The following PAPPA variants were observed in gnomAD, a reference collection of about 807,000 sequenced individuals.
The protein encoded by PAPPA is pappalysin-1.
PAPPA carries 60 observed loss-of-function variants against 164.0 expected under a neutral mutation model. The observed-to-expected ratio is 0.37, with a 90% CI of 0.30 to 0.45. The LOEUF (loss-of-function observed/expected upper bound fraction) is 0.45. Ranked by LOEUF, PAPPA falls within the 20% of genes least tolerant of loss-of-function variation. The probability of loss-of-function intolerance (pLI) is 1.00; values close to 1 mark genes in which losing one functional copy is unlikely to be tolerated. For missense variants in PAPPA, 1,782 were observed against 2,087.3 expected, an observed-to-expected ratio of 0.85 and a Z score of 2.85; for synonymous variants, 875 against 814.1, an observed-to-expected ratio of 1.07 and a Z score of -1.27.
At chr9:116,241,100 A>C (rs984729280) in intron 7 of PAPPA, among the ~76,000 whole-genome samples, 1 of 152,182 alleles carries the variant, frequency 6.6e-6, no homozygotes, top group African/African-American at 2.4e-5. Context: ...TGTGAGTCCA[A>C]ATTTTACAAA....
intron 7 of PAPPA, among the ~76,000 whole-genome samples, chr9:116,265,441 T>C (rs1261169934): frequency 6.6e-6 from 1 of 152,180 alleles, no homozygotes; most frequent in Non-Finnish European, 1.5e-5. Context: ...GGAAACATGA[T>C]CAGATAATGC....
chr9:116,311,357 A>G (rs1308970327), intron 10 of PAPPA, among the ~76,000 whole-genome samples: 2 of 152,306 alleles, frequency 1.3e-5, no homozygotes, highest in Non-Finnish European at 1.5e-5. Flanking sequence ...AGACACCAAA[A>G]TAGCTTCTTT....
At chr9:116,195,750 G>A (rs939221374) in intron 2 of PAPPA, among the ~76,000 whole-genome samples, 6 of 152,268 alleles carry the variant, frequency 3.9e-5, no homozygotes, top group South Asian at 2.1e-4. Flanking sequence ...TGCATATCCC[G>A]AAATTCTTAG....
chr9:116,166,099 C>T (rs1843716500), intron 1 of PAPPA, among the ~76,000 whole-genome samples: 1 of 152,156 alleles, frequency 6.6e-6, no homozygotes, highest in South Asian at 2.1e-4. Flanking sequence ...AGGCATGTTG[C>T]ATTACGTAAC....
chr9:116,176,099 G>A (rs1227795399), intron 1 of PAPPA, among the ~76,000 whole-genome samples: 2 of 152,152 alleles, frequency 1.3e-5, no homozygotes, highest in East Asian at 3.9e-4. Flanking sequence ...AGGTCTACTG[G>A]AAGAAGTAAT....
intron 10 of PAPPA, among the ~76,000 whole-genome samples, chr9:116,312,167 A>C (rs1034059975): frequency 2.0e-5 from 3 of 151,488 alleles, no homozygotes; most frequent in Admixed American, 1.3e-4. Flanking sequence ...CATTACCTTC[A>C]TTCTCCACAT....
In PAPPA at chr9:116,194,866, A is replaced by T. The variant is rs564428124; in HGVS notation, c.1478+6650A>T. On this transcript the variant is annotated intron_variant, in intron 2 of 21. Transcript: ENST00000328252. ...GCCTGGATGAAACTGCCATATACAA[A>T]TTGAGAGCATTTGCTGAGATTATTT... 7.2e-5 allele frequency among the ~76,000 whole-genome samples: 11 copies of T among 152,326 alleles called. No homozygotes were observed. The East Asian group carries it at 2.1e-3, about 29-fold the overall frequency.
intron 9 of PAPPA, among the ~76,000 whole-genome samples, chr9:116,298,990 G>GT (rs951105136): frequency 6.6e-6 from 1 of 152,138 alleles, no homozygotes; most frequent in African/African-American, 2.4e-5. Context: ...TGCTGTCTTT[G>GT]TTTTTTGCGG....
At chr9:116,312,696 A>C (rs1435372068) in intron 10 of PAPPA, among the ~76,000 whole-genome samples, 1 of 151,790 alleles carries the variant, frequency 6.6e-6, no homozygotes, top group Non-Finnish European at 1.5e-5. Context: ...ATTCCTCCCC[A>C]CTCTCTATTC....
In PAPPA at chr9:116,344,666, C is replaced by T. The variant is rs1564234529; in HGVS notation, c.3735C>T (p.Gly1245=). 1 of 1,614,148 alleles carries T rather than the reference C, an allele frequency of 6.2e-7. No homozygotes were observed. Residue 1245 remains glycine (G), a synonymous_variant, in exon 14 of 22, where the codon GGC becomes GGT. Transcript: ENST00000328252. ...AGTGTACTGTGAGCTGCCGGACAGG[C>T]TACGTGCTCCAGATACGGCGGGATG... ...GAQCTVSCRT[G]YVLQIRRDDE...
chr9:116,327,332 C>T (rs923568831), intron 10 of PAPPA, among the ~76,000 whole-genome samples: 42 of 151,880 alleles, frequency 2.8e-4, no homozygotes, highest in Admixed American at 1.4e-3. Context: ...TGGCTCTGCA[C>T]GGGGTATAAG....
chr9:116,395,045 T>A (rs1463966320), intron 21 of PAPPA, among the ~76,000 whole-genome samples: 1 of 152,168 alleles, frequency 6.6e-6, no homozygotes, highest in Non-Finnish European at 1.5e-5. Context: ...ACTTAGCATA[T>A]GTCAAGCACT....
In PAPPA at chr9:116,398,661, G is replaced by A; in HGVS notation, c.*2045G>A. On this transcript the variant is annotated 3_prime_UTR_variant, in exon 22 of 22. Transcript: ENST00000328252. ...ACAGGTGCCCACAAATACGGATGCAGTGCTGAGATAGTTTATGAGACTTGT... is the reference window on the plus strand; with the variant it reads ...ACAGGTGCCCACAAATACGGATGCAATGCTGAGATAGTTTATGAGACTTGT... 1.7e-6 allele frequency: 1 copy of A among 571,544 alleles called. No homozygotes were observed. Among genetic ancestry groups the A allele is most frequent in the Non-Finnish European group, 3.0e-6 (1 of 332,544 alleles). 35.4% of individuals were successfully genotyped at this position (571,544 alleles called of 1,614,324 possible).
intron 17 of PAPPA, among the ~76,000 whole-genome samples, chr9:116,357,424 G>C (rs1846368307): frequency 6.6e-6 from 1 of 152,184 alleles, no homozygotes; most frequent in Non-Finnish European, 1.5e-5. Flanking sequence ...TGTGTGCCAA[G>C]CTGCTGCTGC....
At chr9:116,254,654 C>T (rs369794021) in intron 7 of PAPPA, among the ~76,000 whole-genome samples, 14 of 151,718 alleles carry the variant, frequency 9.2e-5, no homozygotes, top group African/African-American at 2.9e-4. Flanking sequence ...TGGTGGTGGG[C>T]GCCTGTAATC....
intron 9 of PAPPA, among the ~76,000 whole-genome samples, chr9:116,282,338 G>T (rs1055721247): frequency 6.6e-6 from 1 of 152,164 alleles, no homozygotes; most frequent in Non-Finnish European, 1.5e-5. Context: ...AGTACAGATA[G>T]AATTTTATTT....
chr9:116,334,805 G>A (rs892170407), intron 12 of PAPPA, 56 bp from the exon 13 acceptor site: 13 of 1,360,468 alleles, frequency 9.6e-6, no homozygotes, highest in Admixed American at 3.5e-5. Context: ...TGGGGAGGGC[G>A]TGACTGGCCT....
At chr9:116,210,924 C>A (rs566916604) in intron 3 of PAPPA, among the ~76,000 whole-genome samples, 2 of 152,248 alleles carry the variant, frequency 1.3e-5, no homozygotes, top group Non-Finnish European at 2.9e-5. Flanking sequence ...ACCTCACAAA[C>A]TTCTTTAGAT....
At chr9:116,210,308 G>A (rs147402730) in intron 3 of PAPPA, among the ~76,000 whole-genome samples, 3 of 152,204 alleles carry the variant, frequency 2.0e-5, no homozygotes, top group East Asian at 3.9e-4. Context: ...ACCCTAACAC[G>A]GAGACAGAGT....
Sources: allele counts gnomAD v4.1 joint callset (sites outside exome capture counted in the v4.1 genomes callset), GRCh38; gene constraint gnomAD v4.1.1; transcripts MANE v1.5; gene names NCBI Gene and HGNC (gene_info 2026-07-23, HGNC 2026-07-21).